The following PSKH1 variants were observed in gnomAD, a reference collection of about 807,000 sequenced individuals.
The protein encoded by PSKH1 is protein serine kinase H1, also known as serine/threonine-protein kinase H1.
PSKH1 carries 12 observed loss-of-function variants against 26.7 expected under a neutral mutation model. The ratio of observed to expected loss-of-function variants is 0.45; its 90% CI spans 0.29 to 0.73. The LOEUF is 0.73. Among genes scored for constraint, PSKH1 ranks in the 30% least tolerant of loss-of-function variants. The pLI is 0.11. For synonymous variants in PSKH1, 213 were observed against 234.3 expected, an observed-to-expected ratio of 0.91 and a Z score of 0.83; for missense variants, 431 against 595.2, an observed-to-expected ratio of 0.72 and a Z score of 2.87.
At chr16:67,915,194 TGAGA>T (rs746946734) in intron 2 of PSKH1, among the ~76,000 whole-genome samples, 3,309 of 144,646 alleles carry the variant, frequency 0.023, 49 homozygotes, top group Non-Finnish European at 0.036. Context: ...AGTGAGTGAG[TGAGA>T]GAGAGAGAGA....
At chr16:67,915,989 T>C (rs1018189195) in intron 2 of PSKH1, among the ~76,000 whole-genome samples, 10 of 152,144 alleles carry the variant, frequency 6.6e-5, no homozygotes, top group African/African-American at 2.4e-4. Flanking sequence ...GGCAGACACA[T>C]GTGAACACAG....
In PSKH1 at chr16:67,927,666, A is replaced by G. The variant is rs144745391; in HGVS notation, c.*24A>G. 3,255 of 1,576,470 alleles carry G rather than the reference A, an allele frequency of 2.1e-3. 61 individuals are homozygous for G. The African/African-American group carries it at 0.039, about 19-fold the overall frequency. The stretch of plus-strand genomic sequence containing the variant: ...GAGCCGCCTGGCTGTGCACACATGC[A>G]GCACGACCCAGCCTGGCCACACACT... On this transcript the variant is annotated 3_prime_UTR_variant, in exon 3 of 3. Transcript: ENST00000291041. The surrounding 1 kb of genome is among the most constrained non-coding windows in gnomAD (Gnocchi z 5.5).
At chr16:67,921,832 C>G (rs1363184363) in intron 2 of PSKH1, among the ~76,000 whole-genome samples, 2 of 152,202 alleles carry the variant, frequency 1.3e-5, no homozygotes, top group Non-Finnish European at 2.9e-5. Context: ...TCTCTCTCCT[C>G]TCCTTCCCCT....
rs1285991989 is a variant in PSKH1 at position 67,909,795 on chromosome 16, C to T, written c.957+89C>T. On this transcript the variant is annotated intron_variant, in intron 2 of 2. Transcript: ENST00000291041. The surrounding 1 kb of genome is among the most constrained non-coding windows in gnomAD (Gnocchi z 7.8). ...CAGCTCTCAGTCAGAGGTATGTCCT[C>T]AGGGCCATGCTCGTGAGGGCCAGGC... 2.4e-6 allele frequency: 3 copies of T among 1,233,552 alleles called. No individual in the cohort carries two copies. Among genetic ancestry groups the T allele is most frequent in the Non-Finnish European group, 3.4e-6 (3 of 879,130 alleles). The allele number at this position is 1,233,552 out of a possible 1,614,324, so 76.4% of individuals were successfully genotyped here. A position where few individuals can be genotyped will look rare whatever the true frequency, so the allele number is the denominator to read the frequency against.
chr16:67,924,337 G>A (rs1484451421), intron 2 of PSKH1, among the ~76,000 whole-genome samples: 2 of 152,226 alleles, frequency 1.3e-5, no homozygotes, highest in Admixed American at 6.5e-5. Context: ...GGGGAGCAGC[G>A]GGGAGAGGGA....
chr16:67,915,024 C>T (rs1438867152), intron 2 of PSKH1, among the ~76,000 whole-genome samples: 1 of 152,112 alleles, frequency 6.6e-6, no homozygotes, highest in African/African-American at 2.4e-5. Context: ...TGCTAACTGG[C>T]TATTGATTAC....
In PSKH1 at chr16:67,924,317, C is replaced by T. The variant is rs1251223629; in HGVS notation, c.958-3008C>T. On this transcript the variant is annotated intron_variant, in intron 2 of 2. Transcript: ENST00000291041. ...CACATGCCCACAGTAATTGGTGAGG[C>T]GAGAATCTTGGGGAGCAGCGGGGAG... 4.6e-5 allele frequency among the ~76,000 whole-genome samples: 7 copies of T among 152,158 alleles called. No individual in the cohort carries two copies. In the East Asian group the frequency reaches 1.2e-3, roughly 25 times the overall value.
At chr16:67,904,080 A>G (rs1372185707) in intron 1 of PSKH1, among the ~76,000 whole-genome samples, 2 of 148,252 alleles carry the variant, frequency 1.3e-5, no homozygotes, top group African/African-American at 2.5e-5. Flanking sequence ...CAGTGGCATG[A>G]TCTTGGCTCA....
intron 2 of PSKH1, among the ~76,000 whole-genome samples, chr16:67,914,700 C>T (rs934772788): frequency 3.3e-5 from 5 of 151,704 alleles, no homozygotes; most frequent in East Asian, 3.9e-4. Flanking sequence ...GTGATCTGCC[C>T]GCCTCAGCTT....
At chr16:67,923,383 C>G (rs142373080) in intron 2 of PSKH1, among the ~76,000 whole-genome samples, 1 of 152,202 alleles carries the variant, frequency 6.6e-6, no homozygotes, top group Admixed American at 6.5e-5. Flanking sequence ...CCTCCTCCTA[C>G]AGCCCCTGCT....
At chr16:67,922,245 C>T (rs978186805) in intron 2 of PSKH1, among the ~76,000 whole-genome samples, 3 of 152,106 alleles carry the variant, frequency 2.0e-5, no homozygotes, top group African/African-American at 4.8e-5. Flanking sequence ...GACAGGGTGC[C>T]GTTCTTGTTG....
chr16:67,917,788 C>G lies in PSKH1; in HGVS notation c.957+8082C>G, dbSNP rs115557962. On this transcript the variant is annotated intron_variant, in intron 2 of 2. Coordinates refer to ENST00000291041, the MANE Select transcript of PSKH1 (RefSeq NM_006742.3). ...TTTAAAGGCCCAGGGCTGGTGTGTGCTTGTCAACTTTTAGGGCAAATACAA... is the reference window on the plus strand; with the variant it reads ...TTTAAAGGCCCAGGGCTGGTGTGTGGTTGTCAACTTTTAGGGCAAATACAA... Among the ~76,000 whole-genome samples, 799 of 152,266 alleles carry G rather than the reference C, an allele frequency of 5.2e-3. 8 individuals are homozygous for G. Among genetic ancestry groups the G allele is most frequent in the African/African-American group, 0.018 (733 of 41,536 alleles).
intron 2 of PSKH1, among the ~76,000 whole-genome samples, chr16:67,912,461 T>A (rs2058175919): frequency 6.6e-6 from 1 of 152,228 alleles, no homozygotes; most frequent in African/African-American, 2.4e-5. Context: ...AGCCCCTTTA[T>A]CCTGATGATG....
Position 67,908,711 on chromosome 16 carries a change from C to T in PSKH1, c.-39C>T. ...ACGGGGCACTGCCTTCAGAGCAGGT[C>T]CTGCCAGCCTCGCTGGAGAGGATGC... On this transcript the variant is annotated 5_prime_UTR_variant, in exon 2 of 3. Transcript: ENST00000291041. 6.5e-7 allele frequency: 1 copy of T among 1,535,214 alleles called. No individual in the cohort carries two copies. The highest frequency in any genetic ancestry group is 8.8e-7 in the Non-Finnish European group (1 of 1,133,056).
At chr16:67,916,555 G>C (rs2151313784) in intron 2 of PSKH1, among the ~76,000 whole-genome samples, 1 of 152,310 alleles carries the variant, frequency 6.6e-6, no homozygotes, top group Admixed American at 6.5e-5. Flanking sequence ...GAAGAGGCTG[G>C]GGCAGGTCTG....
At position 67,913,967 on chromosome 16, in the gene PSKH1, A is replaced by G. The variant is rs2151313279; in HGVS notation, c.957+4261A>G. 1.3e-5 allele frequency among the ~76,000 whole-genome samples: 2 copies of G among 152,214 alleles called. 1 individual carries two copies. The highest frequency in any genetic ancestry group is 4.8e-5 in the African/African-American group (2 of 41,530). The stretch of plus-strand genomic sequence containing the variant: ...CATGGCTGTGAGGAGTCAGACCAAG[A>G]AAAAGGGAATGATAGCTACAGAAGT... On this transcript the variant is annotated intron_variant, in intron 2 of 2. Coordinates refer to ENST00000291041, the MANE Select transcript of PSKH1 (RefSeq NM_006742.3).
In PSKH1 at chr16:67,909,617, C is replaced by T. The variant is rs755706605; in HGVS notation, c.868C>T (p.Leu290=). 4 of 1,613,968 alleles carry T rather than the reference C, an allele frequency of 2.5e-6. No homozygotes were observed. In the East Asian group the frequency reaches 6.7e-5, roughly 27 times the overall value. The stretch of plus-strand genomic sequence containing the variant: ...GGCGCTGGGCGTCATTGCCTACATC[C>T]TACTCAGTGGCACCATGCCGTTTGA... ...MWALGVIAYI[L]LSGTMPFEDD... Residue 290 remains leucine (L), a synonymous_variant, in exon 2 of 3, where the codon CTA becomes TTA. Coordinates refer to ENST00000291041, the MANE Select transcript of PSKH1 (RefSeq NM_006742.3). This position sits in a 1 kb window ranked among gnomAD's most constrained non-coding sequence, Gnocchi z 7.8.
At chr16:67,910,068 C>A in intron 2 of PSKH1, 2 of 447,692 alleles carry the variant, frequency 4.5e-6, no homozygotes, top group South Asian at 6.7e-5. Flanking sequence ...CATAGTTGTA[C>A]CACCAAAGAG....
chr16:67,922,989 C>T (rs1300787077), intron 2 of PSKH1, among the ~76,000 whole-genome samples: 3 of 152,200 alleles, frequency 2.0e-5, no homozygotes, highest in African/African-American at 7.2e-5. Context: ...CAGGTGAGAC[C>T]GCTGGCAGTG....
Sources: allele counts gnomAD v4.1 joint callset (sites outside exome capture counted in the v4.1 genomes callset), GRCh38; gene constraint gnomAD v4.1.1; non-coding constraint Gnocchi (gnomAD v3.1); transcripts MANE v1.5; gene names NCBI Gene and HGNC (gene_info 2026-07-23, HGNC 2026-07-21).